Variants in CDH20 observed in about 807,000 individuals in gnomAD.
CDH20 encodes cadherin-20.
CDH20 carries 29 observed loss-of-function variants against 74.2 expected under a neutral mutation model. The observed-to-expected ratio is 0.39, with a 90% CI of 0.29 to 0.53. The LOEUF is 0.53. CDH20 is among the 20% of genes least tolerant of loss of function. CDH20 has a pLI of 0.69. For missense variants in CDH20, 988 were observed against 1,048.3 expected, an observed-to-expected ratio of 0.94 and a Z score of 0.79; for synonymous variants, 469 against 405.4, an observed-to-expected ratio of 1.16 and a Z score of -1.88.
At chr18:61,463,896 C>A (rs1909867553) in intron 1 of CDH20, among the ~76,000 whole-genome samples, 1 of 152,110 alleles carries the variant, frequency 6.6e-6, no homozygotes, top group Non-Finnish European at 1.5e-5. Context: ...AAAGAGAATT[C>A]TGCATCTTTA....
At chr18:61,446,882 G>T (rs1909220610) in intron 1 of CDH20, among the ~76,000 whole-genome samples, 1 of 152,140 alleles carries the variant, frequency 6.6e-6, no homozygotes, top group African/African-American at 2.4e-5. Context: ...ACGAGGATTG[G>T]TAGCACAGCA....
chr18:61,479,764 G>A (rs1031363074), intron 1 of CDH20, among the ~76,000 whole-genome samples: 1 of 151,818 alleles, frequency 6.6e-6, no homozygotes, highest in Admixed American at 6.6e-5. Flanking sequence ...TTCTTTCCTG[G>A]AGCCCTCCCT....
At chr18:61,524,360 T>G (rs1016116768) in intron 6 of CDH20, among the ~76,000 whole-genome samples, 4 of 152,148 alleles carry the variant, frequency 2.6e-5, no homozygotes, top group Non-Finnish European at 4.4e-5. Flanking sequence ...GAATACAAAC[T>G]GGTACTGCCT....
chr18:61,396,220 A>G (rs1165432736), intron 1 of CDH20, among the ~76,000 whole-genome samples: 1 of 152,194 alleles, frequency 6.6e-6, no homozygotes, highest in East Asian at 1.9e-4. Flanking sequence ...TGCTATTAAT[A>G]GTATTGCCCT....
chr18:61,540,975 T>G (rs1913014339), intron 9 of CDH20, among the ~76,000 whole-genome samples: 1 of 152,212 alleles, frequency 6.6e-6, no homozygotes, highest in African/African-American at 2.4e-5. Context: ...AAAGATTCTT[T>G]TCAACAAGTC....
At chr18:61,346,968 T>C (rs1910132506) in intron 1 of CDH20, among the ~76,000 whole-genome samples, 1 of 152,092 alleles carries the variant, frequency 6.6e-6, no homozygotes, top group South Asian at 2.1e-4. Flanking sequence ...TGGCCAGTGC[T>C]GGGCTTATCT....
intron 1 of CDH20, among the ~76,000 whole-genome samples, chr18:61,447,200 T>C (rs999165724): frequency 2.6e-5 from 4 of 152,184 alleles, no homozygotes; most frequent in African/African-American, 7.2e-5. Context: ...TGAGTTCAGT[T>C]GGGACATATT....
chr18:61,394,728 A>G lies in CDH20; in HGVS notation c.-153+60901A>G, dbSNP rs527874326. ...TACCACTTGCTGCCTCAATAGAGGT[A>G]CAGCAACGAACTCCTCATGGCCTCC... On this transcript the variant is annotated intron_variant, in intron 1 of 11. Transcript: ENST00000262717. Among the ~76,000 whole-genome samples the G allele has an allele frequency of 2.6e-5, 4 of 152,194 alleles. No homozygotes were observed. The South Asian group carries it at 6.2e-4, about 24-fold the overall frequency.
chr18:61,357,046 C>A (rs575807714), intron 1 of CDH20, among the ~76,000 whole-genome samples: 1 of 152,196 alleles, frequency 6.6e-6, no homozygotes, highest in Non-Finnish European at 1.5e-5. Flanking sequence ...TACCAAGATA[C>A]TTTTAGTAAA....
At position 61,448,253 on chromosome 18, in the gene CDH20, C is replaced by T. The variant is rs114581190; in HGVS notation, c.-152-42149C>T. Reference sequence around the variant, plus strand: ...AGGGGGAGCTATAGAAAGCCTAGCCCTCACCCAATTACAGCATGTATGGGA... The same window carrying T: ...AGGGGGAGCTATAGAAAGCCTAGCCTTCACCCAATTACAGCATGTATGGGA... On this transcript the variant is annotated intron_variant, in intron 1 of 11. Coordinates refer to ENST00000262717, the MANE Select transcript of CDH20 (RefSeq NM_031891.4). Among the ~76,000 whole-genome samples the T allele has an allele frequency of 3.4e-3, 515 of 152,270 alleles. 1 individual carries two copies. The highest frequency in any genetic ancestry group is 0.011 in the African/African-American group (450 of 41,556).
chr18:61,550,093 C>A lies in CDH20; in HGVS notation c.1764C>A (p.Gly588=). The change falls in exon 11 of 12, where the codon GGC becomes GGA. Residue 588 remains glycine (G), a synonymous_variant. Transcript: ENST00000262717. Reference sequence around the variant, plus strand: ...GGCAGCCCGTGCTGAGCAGCACAGGCACACTGACCATCCAAGTGTGCAGCT... The same window carrying A: ...GGCAGCCCGTGCTGAGCAGCACAGGAACACTGACCATCCAAGTGTGCAGCT... The part of the protein sequence containing the change: ...DSGQPVLSST[G]TLTIQVCSCD... 2.5e-6 allele frequency: 4 copies of A among 1,614,228 alleles called. No homozygotes were observed. The highest frequency in any genetic ancestry group is 3.4e-6 in the Non-Finnish European group (4 of 1,180,042).
At chr18:61,547,978 A>T (rs952727540) in intron 10 of CDH20, among the ~76,000 whole-genome samples, 1 of 152,216 alleles carries the variant, frequency 6.6e-6, no homozygotes, top group Non-Finnish European at 1.5e-5. Flanking sequence ...AGACTTTCTA[A>T]AAGTCTCATG....
chr18:61,346,256 C>A lies in CDH20; in HGVS notation c.-153+12429C>A, dbSNP rs146077375. ...AGTTATTTCTATTACAATATGCAGT[C>A]ATTAAGTTAGAGGGATCCGCTAACT... On this transcript the variant is annotated intron_variant, in intron 1 of 11. Transcript: ENST00000262717. Among the ~76,000 whole-genome samples, 28 of 152,306 alleles carry A rather than the reference C, an allele frequency of 1.8e-4. No individual in the cohort carries two copies. The East Asian group carries it at 4.8e-3, about 26-fold the overall frequency.
rs890653599 is a variant in CDH20, at chr18:61,516,803, G to T, written c.1017+9243G>T. ...GGATGGAGGTGGGAGGATCTCTTAA[G>T]CCTAGGAGTTTGAGACCAGCCTGGG... On this transcript the variant is annotated intron_variant, in intron 6 of 11. Transcript: ENST00000262717. 3.9e-5 allele frequency among the ~76,000 whole-genome samples: 6 copies of T among 152,156 alleles called. No individual in the cohort carries two copies. The South Asian group carries it at 6.2e-4, about 16-fold the overall frequency.
chr18:61,377,638 G>A (rs1047152802), intron 1 of CDH20, among the ~76,000 whole-genome samples: 18 of 151,908 alleles, frequency 1.2e-4, no homozygotes, highest in Non-Finnish European at 2.5e-4. Flanking sequence ...TACAACCAGC[G>A]CACACATCCC....
intron 1 of CDH20, among the ~76,000 whole-genome samples, chr18:61,420,484 G>C (rs1346801128): frequency 6.6e-6 from 1 of 151,752 alleles, no homozygotes; most frequent in African/African-American, 2.4e-5. Context: ...CTGAAATTCA[G>C]CTCTACTTCA....
intron 1 of CDH20, among the ~76,000 whole-genome samples, chr18:61,445,550 T>C (rs1909171881): frequency 6.6e-6 from 1 of 152,146 alleles, no homozygotes; most frequent in Admixed American, 6.5e-5. Flanking sequence ...ATAGGAAAAA[T>C]GAAGCTCAGA....
At chr18:61,484,729 G>T (rs1039213677) in intron 1 of CDH20, among the ~76,000 whole-genome samples, 12 of 145,074 alleles carry the variant, frequency 8.3e-5, no homozygotes, top group Non-Finnish European at 1.5e-4. Context: ...AATTTTTTTT[G>T]CTCTACTCCA....
intron 1 of CDH20, among the ~76,000 whole-genome samples, chr18:61,340,437 T>C (rs1482979634): frequency 1.3e-5 from 2 of 152,110 alleles, no homozygotes; most frequent in Non-Finnish European, 2.9e-5. Flanking sequence ...CAAAATAGCA[T>C]GGAAAGAGGT....
Sources: allele counts gnomAD v4.1 joint callset (sites outside exome capture counted in the v4.1 genomes callset), GRCh38; gene constraint gnomAD v4.1.1; transcripts MANE v1.5; gene names NCBI Gene and HGNC (gene_info 2026-07-23, HGNC 2026-07-21).